The following TMEM117 variants were observed in gnomAD, a reference collection of about 807,000 sequenced individuals.
TMEM117 encodes transmembrane protein 117.
In TMEM117, 27 loss-of-function variants were observed where a neutral mutation model predicts 52.4. That is an observed-to-expected ratio of 0.51 (90% CI 0.38 to 0.71). The LOEUF is 0.71. Ranked by LOEUF, TMEM117 falls within the 30% of genes least tolerant of loss-of-function variation. The probability of loss-of-function intolerance (pLI) is 0.00; values close to 1 mark genes in which losing one functional copy is unlikely to be tolerated. For missense variants in TMEM117, 556 were observed against 630.5 expected, an observed-to-expected ratio of 0.88 and a Z score of 1.26; for synonymous variants, 215 against 206.3, an observed-to-expected ratio of 1.04 and a Z score of -0.36.
chr12:43,879,284 A>C (rs1253613677), intron 2 of TMEM117, among the ~76,000 whole-genome samples: 2 of 152,240 alleles, frequency 1.3e-5, no homozygotes, highest in Admixed American at 6.5e-5. Flanking sequence ...AAACAGTTTA[A>C]AGCATTGTAT....
intron 5 of TMEM117, among the ~76,000 whole-genome samples, chr12:44,270,546 C>G (rs1412752116): frequency 6.6e-6 from 1 of 152,100 alleles, no homozygotes; most frequent in Non-Finnish European, 1.5e-5. Context: ...GGTATACGAT[C>G]ATATCATCGG....
intron 2 of TMEM117, among the ~76,000 whole-genome samples, chr12:43,906,200 T>C (rs928297101): frequency 1.3e-5 from 2 of 152,184 alleles, no homozygotes; most frequent in African/African-American, 4.8e-5. Context: ...CTATGGCTCA[T>C]GCCTGAAATT....
chr12:43,996,331 C>T (rs1010530431), intron 3 of TMEM117, among the ~76,000 whole-genome samples: 4 of 152,036 alleles, frequency 2.6e-5, no homozygotes, highest in Admixed American at 1.3e-4. Flanking sequence ...TTCACTGAAA[C>T]GTATCATTAA....
In TMEM117 at chr12:44,168,580, G is replaced by A. The variant is rs907779173; in HGVS notation, c.510+24956G>A. On this transcript the variant is annotated intron_variant, in intron 4 of 7. Transcript: ENST00000266534. ...GGACATTTAGGCTCTTTCTTGTGTC[G>A]GGCTATTCTAAATAATGATACATCT... Among the ~76,000 whole-genome samples, 7 of 151,746 alleles carry A rather than the reference G, an allele frequency of 4.6e-5. No individual in the cohort carries two copies. The East Asian group carries it at 7.7e-4, about 17-fold the overall frequency.
At chr12:43,866,602 C>A (rs1943604255) in intron 2 of TMEM117, among the ~76,000 whole-genome samples, 1 of 151,752 alleles carries the variant, frequency 6.6e-6, no homozygotes, top group Non-Finnish European at 1.5e-5. Flanking sequence ...ATAAAAGACA[C>A]TTTTCAAACA....
At chr12:44,081,377 C>A (rs902527244) in intron 3 of TMEM117, among the ~76,000 whole-genome samples, 4 of 152,088 alleles carry the variant, frequency 2.6e-5, no homozygotes, top group Non-Finnish European at 5.9e-5. Flanking sequence ...TAAATGTGAT[C>A]CTAATTAGAT....
chr12:44,010,836 C>T (rs1337176872), intron 3 of TMEM117, among the ~76,000 whole-genome samples: 1 of 152,154 alleles, frequency 6.6e-6, no homozygotes, highest in East Asian at 1.9e-4. Flanking sequence ...TTTACTTATA[C>T]AAAACTGTAT....
At chr12:44,105,662 G>C (rs59477802) in intron 3 of TMEM117, among the ~76,000 whole-genome samples, 18,822 of 151,936 alleles carry the variant, frequency 0.12, 1,419 homozygotes, top group African/African-American at 0.21. Flanking sequence ...AACTTGAAAA[G>C]TGCTTTTTAG....
chr12:44,288,054 A>G (rs1263971862), intron 5 of TMEM117, among the ~76,000 whole-genome samples: 1 of 152,188 alleles, frequency 6.6e-6, no homozygotes, highest in Non-Finnish European at 1.5e-5. Context: ...GACCTAACTA[A>G]CTGAGCCCTG....
At chr12:43,853,896 G>A (rs970742081) in intron 2 of TMEM117, among the ~76,000 whole-genome samples, 1 of 152,112 alleles carries the variant, frequency 6.6e-6, no homozygotes. Flanking sequence ...ATGATGAAAG[G>A]TATTCCTTAT....
intron 6 of TMEM117, among the ~76,000 whole-genome samples, chr12:44,370,158 A>ATT (rs1951842753): frequency 1.3e-5 from 2 of 152,258 alleles, no homozygotes; most frequent in South Asian, 4.1e-4. Context: ...ACTTCTTTGT[A>ATT]TTTACATGAT....
At position 44,041,141 on chromosome 12, in the gene TMEM117, C is replaced by T. The variant is rs188272444; in HGVS notation, c.410+96799C>T. On this transcript the variant is annotated intron_variant, in intron 3 of 7. Transcript: ENST00000266534. ...TAAGTTTTAGGGTACATGTGCACAACATGCAGGTTTGTTACATATGTATAC... is the reference window on the plus strand; with the variant it reads ...TAAGTTTTAGGGTACATGTGCACAATATGCAGGTTTGTTACATATGTATAC... Among the ~76,000 whole-genome samples, 355 of 152,080 alleles carry T rather than the reference C, an allele frequency of 2.3e-3. 3 individuals carry two copies. The highest frequency in any genetic ancestry group is 8.1e-3 in the African/African-American group (335 of 41,472).
At chr12:43,871,785 A>G (rs753737666) in intron 2 of TMEM117, among the ~76,000 whole-genome samples, 2 of 152,246 alleles carry the variant, frequency 1.3e-5, no homozygotes, top group Non-Finnish European at 2.9e-5. Flanking sequence ...TTTTTCAAAC[A>G]TTATTGAGGA....
chr12:43,836,874 A>T (rs888853598), intron 1 of TMEM117, among the ~76,000 whole-genome samples: 1 of 152,114 alleles, frequency 6.6e-6, no homozygotes, highest in South Asian at 2.1e-4. Flanking sequence ...AAGGAAAAAA[A>T]ATGAGTAAAA....
intron 3 of TMEM117, among the ~76,000 whole-genome samples, chr12:44,079,028 C>T (rs1032987159): frequency 1.1e-4 from 16 of 152,202 alleles, no homozygotes; most frequent in African/African-American, 3.6e-4. Context: ...TATGTCCCTG[C>T]AAAGGACATG....
At chr12:44,372,821 C>T (rs1951883149) in intron 6 of TMEM117, among the ~76,000 whole-genome samples, 1 of 152,198 alleles carries the variant, frequency 6.6e-6, no homozygotes, top group African/African-American at 2.4e-5. Context: ...AACCTCAGCT[C>T]TGCTGCATGG....
At chr12:44,137,976 A>G (rs576203421) in intron 3 of TMEM117, among the ~76,000 whole-genome samples, 69 of 152,302 alleles carry the variant, frequency 4.5e-4, no homozygotes, top group African/African-American at 1.4e-3. Flanking sequence ...TAGTTGTACT[A>G]GAAGCTTTGC....
chr12:43,849,343 C>T (rs1943265815), intron 2 of TMEM117, among the ~76,000 whole-genome samples: 1 of 152,116 alleles, frequency 6.6e-6, no homozygotes. Flanking sequence ...ACCAAAATAT[C>T]CAGTTTGGAG....
At chr12:44,034,607 A>T (rs1946682906) in intron 3 of TMEM117, among the ~76,000 whole-genome samples, 1 of 152,204 alleles carries the variant, frequency 6.6e-6, no homozygotes, top group East Asian at 1.9e-4. Context: ...GAGTGGGCTC[A>T]CAAGCTGTCC....
Sources: allele counts gnomAD v4.1 joint callset (sites outside exome capture counted in the v4.1 genomes callset), GRCh38; gene constraint gnomAD v4.1.1; transcripts MANE v1.5; gene names NCBI Gene and HGNC (gene_info 2026-07-23, HGNC 2026-07-21).